Variants in FER1L5 observed in about 807,000 individuals in gnomAD.
The protein encoded by FER1L5 is fer-1-like protein 5.
Under a neutral mutation model 279.9 loss-of-function variants are expected in FER1L5, and 187 were observed. The ratio of observed to expected loss-of-function variants is 0.67; its 90% confidence interval spans 0.59 to 0.75. FER1L5 has a LOEUF of 0.75. FER1L5 is among the 30% of genes least tolerant of loss of function. The pLI, the probability that FER1L5 is intolerant of heterozygous loss-of-function variation, is 0.00. For synonymous variants in FER1L5, 921 were observed against 989.7 expected, an observed-to-expected ratio of 0.93 and a Z score of 1.30; for missense variants, 2,091 against 2,594.4, an observed-to-expected ratio of 0.81 and a Z score of 4.21.
chr2:96,681,278 T>C (rs1159733299), intron 19 of FER1L5, among the ~76,000 whole-genome samples: 1 of 152,170 alleles, frequency 6.6e-6, no homozygotes, highest in African/African-American at 2.4e-5. Context: ...GCCCAGGGGT[T>C]TGAGGCTACA....
intron 18 of FER1L5, among the ~76,000 whole-genome samples, chr2:96,671,785 G>T (rs943272847): frequency 6.6e-6 from 1 of 152,248 alleles, no homozygotes; most frequent in African/African-American, 2.4e-5. Flanking sequence ...GCGGACTCAG[G>T]AGTGGAGATT....
rs1351654915 is a variant in FER1L5, at chr2:96,691,930, C to T, written c.3181C>T (p.Pro1061Ser). The T allele has an allele frequency of 6.4e-7, 1 of 1,550,962 alleles. No individual in the cohort carries two copies. Among genetic ancestry groups the T allele is most frequent in the East Asian group, 2.4e-5 (1 of 40,902 alleles). ...CCCCCAGAGGCAGGACACCCGGCCC[C>T]CCAACTTGCCCTTCATCTACTGCAC... Reference protein sequence around the residue: ...RDPQRQDTRPPNLPFIYCTFN... With the variant: ...RDPQRQDTRPSNLPFIYCTFN... Residue 1061 changes from proline to serine, a missense_variant, in exon 30 of 53, where the codon CCC becomes TCC. Transcript: ENST00000624922. The surrounding 1 kb of genome is among the most constrained non-coding windows in gnomAD (Gnocchi z 6.0).
In FER1L5 at chr2:96,694,477, T is replaced by G; in HGVS notation, c.3741+13T>G. ...GATGGCCATTGAGGTGCTGGCGATG[T>G]GGGATGGGGACGGTGGGCAGGACAG... On this transcript the variant is annotated intron_variant, in intron 34 of 52. Coordinates refer to ENST00000624922, the MANE Select transcript of FER1L5 (RefSeq NM_001293083.2). This position sits in a 1 kb window ranked among gnomAD's most constrained non-coding sequence, Gnocchi z 4.6. 6.5e-7 allele frequency: 1 copy of G among 1,531,804 alleles called. No homozygotes were observed. Among genetic ancestry groups the G allele is most frequent in the Non-Finnish European group, 8.8e-7 (1 of 1,135,020 alleles). 94.9% of individuals were successfully genotyped at this position (1,531,804 alleles called of 1,614,324 possible). A position where few individuals can be genotyped will look rare whatever the true frequency, so the allele number is the denominator to read the frequency against.
intron 19 of FER1L5, among the ~76,000 whole-genome samples, chr2:96,675,734 A>T (rs2076488315): frequency 6.6e-6 from 1 of 151,798 alleles, no homozygotes; most frequent in African/African-American, 2.4e-5. Flanking sequence ...GCCTATTTTT[A>T]AAATTGTTTA....
At position 96,653,046 on chromosome 2, in the gene FER1L5, C is replaced by G. The variant is rs139059652; in HGVS notation, c.634-594C>G. On this transcript the variant is annotated intron_variant, in intron 7 of 52. Coordinates refer to ENST00000624922, the MANE Select transcript of FER1L5 (RefSeq NM_001293083.2). ...CCTGACCAATATGGTGAAACCCTGT[C>G]TCTTTTGTAAAAATACAAAAATTAG... 38 of 153,710 alleles carry G rather than the reference C, an allele frequency of 2.5e-4. No homozygotes were observed. The East Asian group carries it at 6.3e-3, about 26-fold the overall frequency. 9.5% of individuals were successfully genotyped at this position (153,710 alleles called of 1,614,324 possible).
In FER1L5 at chr2:96,704,710, G is replaced by C. The variant is rs536322590; in HGVS notation, c.*18G>C. ...GAGACTAATTAGTCCATGCTGCCTGGCTTTCCTCCTGCTACCAACAGCCCT... is the reference window on the plus strand; with the variant it reads ...GAGACTAATTAGTCCATGCTGCCTGCCTTTCCTCCTGCTACCAACAGCCCT... On this transcript the variant is annotated 3_prime_UTR_variant, in exon 53 of 53. Coordinates refer to ENST00000624922, the MANE Select transcript of FER1L5 (RefSeq NM_001293083.2). 5.0e-5 allele frequency: 80 copies of C among 1,604,804 alleles called. No individual in the cohort carries two copies. In the South Asian group the frequency reaches 8.4e-4, roughly 17 times the overall value.
chr2:96,701,021 C>T (rs2077569609), intron 45 of FER1L5, among the ~76,000 whole-genome samples: 1 of 152,298 alleles, frequency 6.6e-6, no homozygotes, highest in Non-Finnish European at 1.5e-5. Context: ...TTTTAAAAAA[C>T]CATTCCCACA....
At chr2:96,686,855 C>CAAAAAAA (rs58724485) in intron 23 of FER1L5, among the ~76,000 whole-genome samples, 33 of 40,916 alleles carry the variant, frequency 8.1e-4, no homozygotes, top group South Asian at 1.7e-3. Flanking sequence ...GACTCCGTCT[C>CAAAAAAA]AAAAAAAAAA....
rs2076273944 is a variant in FER1L5, at chr2:96,670,257, G to A, written c.1491+10G>A. 3.2e-6 allele frequency: 5 copies of A among 1,550,542 alleles called. No individual in the cohort carries two copies. Among genetic ancestry groups the A allele is most frequent in the Non-Finnish European group, 4.4e-6 (5 of 1,146,296 alleles). On this transcript the variant is annotated intron_variant, in intron 18 of 52. Transcript: ENST00000624922. ...AGTGACCAGGATAGAGGTAACTGCGGGAAACAGGTAACCCAGGGAAAAACA... is the reference window on the plus strand; with the variant it reads ...AGTGACCAGGATAGAGGTAACTGCGAGAAACAGGTAACCCAGGGAAAAACA...
At chr2:96,649,824 G>C in intron 5 of FER1L5, 147 bp downstream of exon 5, 5 of 761,898 alleles carry the variant, frequency 6.6e-6, no homozygotes, top group Non-Finnish European at 1.1e-5. Context: ...AAGCTACAGG[G>C]TCTAGATGCC....
intron 8 of FER1L5, 81 bp downstream of exon 8, chr2:96,653,783 A>C (rs951809064): frequency 5.5e-6 from 6 of 1,081,498 alleles, no homozygotes; most frequent in Non-Finnish European, 6.9e-6. Context: ...TCCAGCCCCC[A>C]CCCTTAGAGC....
chr2:96,679,013 T>C (rs964970091), intron 19 of FER1L5, among the ~76,000 whole-genome samples: 2 of 152,170 alleles, frequency 1.3e-5, no homozygotes, highest in Non-Finnish European at 2.9e-5. Flanking sequence ...AAGAACTCTT[T>C]GGTTAACTCA....
intron 14 of FER1L5, among the ~76,000 whole-genome samples, chr2:96,665,834 C>T (rs1317402107): frequency 6.6e-6 from 1 of 152,128 alleles, no homozygotes; most frequent in East Asian, 1.9e-4. Context: ...GATCCACCTG[C>T]CTTGGCCTCC....
At chr2:96,666,658 TA>T (rs1483189298) in intron 14 of FER1L5, among the ~76,000 whole-genome samples, 13 of 151,510 alleles carry the variant, frequency 8.6e-5, no homozygotes, top group East Asian at 3.9e-4. Flanking sequence ...TTTATTTATT[TA>T]TTTTTTTTTT....
At position 96,684,319 on chromosome 2, in the gene FER1L5, T is replaced by A. The variant is rs886354361; in HGVS notation, c.1670-8T>A. Reference sequence around the variant, plus strand: ...CACCCCATCCCTCCATGTGTCTCTGTGTCTCAGGGAACATCTACCATTATG... The same window carrying A: ...CACCCCATCCCTCCATGTGTCTCTGAGTCTCAGGGAACATCTACCATTATG... On this transcript the variant is annotated splice_region_variant and splice_polypyrimidine_tract_variant and intron_variant, in intron 19 of 52. Transcript: ENST00000624922. 6.4e-7 allele frequency: 1 copy of A among 1,551,064 alleles called. No homozygotes were observed. Among genetic ancestry groups the A allele is most frequent in the Admixed American group, 2.0e-5 (1 of 50,988 alleles).
intron 19 of FER1L5, 64 bp downstream of exon 19, chr2:96,673,318 T>C: frequency 1.4e-6 from 2 of 1,439,362 alleles, no homozygotes; most frequent in Non-Finnish European, 1.9e-6. Context: ...TGTGCTAGGC[T>C]CTCTCAGGGG....
At chr2:96,666,792 A>G (rs1055234735) in intron 14 of FER1L5, among the ~76,000 whole-genome samples, 1 of 151,950 alleles carries the variant, frequency 6.6e-6, no homozygotes, top group African/African-American at 2.4e-5. Context: ...CTGGGACTAC[A>G]TGCATGAGCC....
intron 1 of FER1L5, among the ~76,000 whole-genome samples, chr2:96,644,002 T>A (rs1164278101): frequency 6.6e-6 from 1 of 150,862 alleles, no homozygotes; most frequent in Non-Finnish European, 1.5e-5. Context: ...TGAAACCCTA[T>A]CTTTATTAAA....
chr2:96,663,635 AT>A (rs1162223736), intron 14 of FER1L5, 128 bp downstream of exon 14: 2 of 1,004,610 alleles, frequency 2.0e-6, no homozygotes, highest in East Asian at 5.2e-5. Context: ...ACTCTGCCTG[AT>A]AGGGAGCATG....
Sources: gnomAD v4.1 joint callset for allele counts (sites outside exome capture counted in the v4.1 genomes callset) on GRCh38, gnomAD v4.1.1 for gene constraint, Gnocchi (gnomAD v3.1) non-coding constraint, MANE v1.5 for transcripts, NCBI Gene and HGNC (gene_info 2026-07-23, HGNC 2026-07-21) for gene names.